Variants in GIGYF2 observed in about 807,000 individuals in gnomAD.
GIGYF2 encodes GRB10-interacting GYF protein 2.
GIGYF2 carries 25 observed loss-of-function variants against 208.1 expected under a neutral mutation model. The ratio of observed to expected loss-of-function variants is 0.12; its 90% confidence interval spans 0.09 to 0.17. The LOEUF is 0.17. GIGYF2 is among the 10% of genes least tolerant of loss of function. The pLI is 1.00. For missense variants in GIGYF2, 1,302 were observed against 1,579.4 expected (o/e 0.82, Z 2.98); for synonymous variants, 534 against 543.8 (o/e 0.98, Z 0.25).
intron 3 of GIGYF2, among the ~76,000 whole-genome samples, chr2:232,737,907 C>CTTTTT (rs11320395): frequency 5.9e-5 from 5 of 85,212 alleles, no homozygotes; most frequent in African/African-American, 1.4e-4. Flanking sequence ...TAAGCTTTAA[C>CTTTTT]TTTTTTTTTT....
intron 1 of GIGYF2, among the ~76,000 whole-genome samples, chr2:232,697,654 G>A (rs1361179186): frequency 6.6e-6 from 1 of 152,262 alleles, no homozygotes; most frequent in East Asian, 1.9e-4. Flanking sequence ...CGGCCGCGAG[G>A]AGCCGAGAAG....
intron 8 of GIGYF2, chr2:232,768,947 C>CATTG (rs762211459): frequency 1.5e-5 from 11 of 724,562 alleles, no homozygotes; most frequent in Non-Finnish European, 2.4e-5. Flanking sequence ...GAATTGAACT[C>CATTG]ATTGTTAATT....
At chr2:232,698,518 A>G (rs1000957505) in intron 1 of GIGYF2, among the ~76,000 whole-genome samples, 7 of 152,160 alleles carry the variant, frequency 4.6e-5, no homozygotes, top group African/African-American at 7.2e-5. Flanking sequence ...CTTTCTGTAC[A>G]TTAATTTTGC....
At chr2:232,797,101 T>C (rs1700245804) in intron 14 of GIGYF2, among the ~76,000 whole-genome samples, 3 of 148,012 alleles carry the variant, frequency 2.0e-5, no homozygotes, top group Non-Finnish European at 4.5e-5. Flanking sequence ...TCAAGTGGAG[T>C]TGATAAAAAT....
intron 8 of GIGYF2, chr2:232,768,174 TA>T (rs1699053515): frequency 3.1e-6 from 5 of 1,613,436 alleles, no homozygotes; most frequent in South Asian, 1.1e-5. Flanking sequence ...TTTAATACAT[TA>T]AAAAATGGAT....
At chr2:232,815,556 G>C in intron 18 of GIGYF2, 81 bp from the exon 19 acceptor site, 1 of 821,788 alleles carries the variant, frequency 1.2e-6, no homozygotes, top group South Asian at 1.4e-5. Flanking sequence ...CAGGGAAGCA[G>C]CTTTTTTCAT....
chr2:232,830,036 G>C (rs945530169), intron 21 of GIGYF2, among the ~76,000 whole-genome samples: 13 of 152,130 alleles, frequency 8.5e-5, no homozygotes, highest in African/African-American at 2.9e-4. Flanking sequence ...CTGGAGTGCA[G>C]TGGTGTGATT....
At chr2:232,730,033 A>G (rs1697388245) in intron 2 of GIGYF2, 1 of 835,686 alleles carries the variant, frequency 1.2e-6, no homozygotes, top group Non-Finnish European at 2.1e-6. Flanking sequence ...ATGTGATTAT[A>G]CCAACGAAGG....
chr2:232,719,573 A>G (rs1052458141), intron 2 of GIGYF2, among the ~76,000 whole-genome samples: 1 of 152,180 alleles, frequency 6.6e-6, no homozygotes, highest in African/African-American at 2.4e-5. Context: ...GAGGCCCACA[A>G]AGTGATAGAT....
intron 8 of GIGYF2, among the ~76,000 whole-genome samples, chr2:232,783,937 C>G (rs1334665610): frequency 1.3e-5 from 2 of 152,204 alleles, no homozygotes; most frequent in Non-Finnish European, 2.9e-5. Context: ...ATCCGCCCGC[C>G]TCGGCCTCCC....
chr2:232,771,168 A>T (rs371849984), intron 8 of GIGYF2: 1 of 1,613,904 alleles, frequency 6.2e-7, no homozygotes, highest in African/African-American at 1.3e-5. Context: ...GCCAGTGGAC[A>T]ACAAAAGAAG....
intron 14 of GIGYF2, among the ~76,000 whole-genome samples, chr2:232,801,692 T>C (rs1308953478): frequency 6.6e-6 from 1 of 152,222 alleles, no homozygotes; most frequent in African/African-American, 2.4e-5. Context: ...TTGTTAACTA[T>C]AGTCATTGTT....
Position 232,856,995 on chromosome 2 carries a change from T to A in GIGYF2, c.*135T>A. 1 of 756,316 alleles carries A rather than the reference T, an allele frequency of 1.3e-6. No individual in the cohort carries two copies. 46.9% of individuals were successfully genotyped at this position (756,316 alleles called of 1,614,324 possible). ...ACAGAACCGATCATCTCAGGCTTTT[T>A]CTTCTGGCCCTTTGTGTCCAAGATT... On this transcript the variant is annotated 3_prime_UTR_variant, in exon 29 of 29. Transcript: ENST00000373563.
chr2:232,732,467 T>A (rs1339276624), intron 2 of GIGYF2, among the ~76,000 whole-genome samples: 2 of 152,132 alleles, frequency 1.3e-5, no homozygotes, highest in Non-Finnish European at 2.9e-5. Context: ...CATATTATTT[T>A]GAAGACATTT....
chr2:232,740,199 T>C (rs966210470), intron 3 of GIGYF2, among the ~76,000 whole-genome samples: 4 of 152,154 alleles, frequency 2.6e-5, no homozygotes, highest in African/African-American at 7.2e-5. Context: ...GGCATGCACC[T>C]GTAGTCCCAG....
chr2:232,727,591 CAG>C (rs988565758), intron 2 of GIGYF2, among the ~76,000 whole-genome samples: 12 of 152,110 alleles, frequency 7.9e-5, no homozygotes, highest in East Asian at 1.9e-4. Flanking sequence ...AATAGTACCT[CAG>C]GGGGAGAAAA....
intron 21 of GIGYF2, 23 bp downstream of exon 21, chr2:232,820,008 T>C (rs376916836): frequency 6.2e-7 from 1 of 1,612,574 alleles, no homozygotes; most frequent in Admixed American, 1.7e-5. Context: ...TTTTGTCTTC[T>C]AATTGTTCCT....
intron 2 of GIGYF2, chr2:232,706,027 A>C (rs930278252): frequency 6.6e-6 from 1 of 152,182 alleles, no homozygotes; most frequent in African/African-American, 2.4e-5. Context: ...TTTGTAGCTC[A>C]TATATACTTG....
At chr2:232,855,052 A>G (rs919743931) in intron 28 of GIGYF2, among the ~76,000 whole-genome samples, 1 of 147,808 alleles carries the variant, frequency 6.8e-6, no homozygotes, top group African/African-American at 2.5e-5. Flanking sequence ...GGCATTCGGC[A>G]TTAGGTTTTC....
Sources: gnomAD v4.1 joint callset for allele counts (sites outside exome capture counted in the v4.1 genomes callset) on GRCh38, gnomAD v4.1.1 for gene constraint, MANE v1.5 for transcripts, NCBI Gene and HGNC (gene_info 2026-07-23, HGNC 2026-07-21) for gene names.